Variants in TTC29 observed in about 807,000 individuals in gnomAD.
The protein encoded by TTC29 is tetratricopeptide repeat domain 29.
In TTC29, 49 loss-of-function variants were observed where a neutral mutation model predicts 58.1. The ratio of observed to expected loss-of-function variants is 0.84; its 90% CI spans 0.67 to 1.07. TTC29 has a LOEUF of 1.07. Among genes scored for constraint, TTC29 ranks in the 50% least tolerant of loss-of-function variants. The pLI, the probability that TTC29 is intolerant of heterozygous loss-of-function variation, is 0.00. For missense variants in TTC29, 582 were observed against 555.6 expected (o/e 1.05, Z -0.48); for synonymous variants, 209 against 196.8 (o/e 1.06, Z -0.52).
At chr4:146,942,881 G>C (rs1736540680) in intron 2 of TTC29, 1 of 359,696 alleles carries the variant, frequency 2.8e-6, no homozygotes, top group African/African-American at 2.1e-5. Flanking sequence ...GCTTCAAAAT[G>C]AGGAACAGTG....
intron 11 of TTC29, among the ~76,000 whole-genome samples, chr4:146,722,286 ACAT>A (rs1340266115): frequency 4.6e-5 from 7 of 152,192 alleles, no homozygotes; most frequent in Admixed American, 2.6e-4. Flanking sequence ...CAAGCTACCA[ACAT>A]CATTTTTCAC....
intron 8 of TTC29, among the ~76,000 whole-genome samples, chr4:146,852,155 T>A (rs1729554425): frequency 6.6e-6 from 1 of 152,238 alleles, no homozygotes; most frequent in South Asian, 2.1e-4. Flanking sequence ...CAAACTGTGC[T>A]GATTCCCAAC....
At chr4:146,833,951 G>A (rs1295604128) in intron 8 of TTC29, 54 bp from the exon 9 acceptor site, 1 of 1,212,802 alleles carries the variant, frequency 8.2e-7, no homozygotes, top group Non-Finnish European at 1.2e-6. Context: ...ATACGCTGAT[G>A]TTTCATTTCA....
chr4:146,812,802 T>C (rs762695289), intron 10 of TTC29: 4 of 152,236 alleles, frequency 2.6e-5, no homozygotes, highest in Non-Finnish European at 4.4e-5. Context: ...CTTGTGGATG[T>C]TTAATTCTTA....
intron 4 of TTC29, among the ~76,000 whole-genome samples, chr4:146,936,845 T>C (rs913876808): frequency 6.6e-6 from 1 of 152,090 alleles, no homozygotes; most frequent in African/African-American, 2.4e-5. Context: ...ATTTGTTGCA[T>C]AAAATATTTT....
chr4:146,766,868 T>C (rs1747361356), intron 11 of TTC29, among the ~76,000 whole-genome samples: 1 of 152,128 alleles, frequency 6.6e-6, no homozygotes, highest in Non-Finnish European at 1.5e-5. Flanking sequence ...GGGCAATTGA[T>C]ATTATTAGAG....
intron 8 of TTC29, among the ~76,000 whole-genome samples, chr4:146,838,717 G>A (rs952849093): frequency 2.6e-5 from 4 of 151,634 alleles, no homozygotes; most frequent in African/African-American, 4.8e-5. Context: ...AATGTAGATC[G>A]AAAATACAGT....
chr4:146,944,574 T>A (rs1271195694), intron 2 of TTC29, among the ~76,000 whole-genome samples: 30 of 152,178 alleles, frequency 2.0e-4, no homozygotes, highest in Non-Finnish European at 5.9e-5. Flanking sequence ...AATGACTATG[T>A]CTGAGGCTGA....
At chr4:146,853,924 T>G (rs1425842129) in intron 8 of TTC29, among the ~76,000 whole-genome samples, 3 of 152,096 alleles carry the variant, frequency 2.0e-5, no homozygotes, top group East Asian at 1.9e-4. Context: ...GATCTTCTGT[T>G]TGACGGCTGG....
chr4:146,764,373 C>A (rs973758739), intron 11 of TTC29, among the ~76,000 whole-genome samples: 1 of 152,006 alleles, frequency 6.6e-6, no homozygotes, highest in African/African-American at 2.4e-5. Context: ...GCAGCCTTAA[C>A]CCCTCTCATT....
At chr4:146,741,080 G>C (rs1433536424) in intron 11 of TTC29, among the ~76,000 whole-genome samples, 2 of 152,062 alleles carry the variant, frequency 1.3e-5, no homozygotes, top group Admixed American at 1.3e-4. Context: ...TTTCTGGCCT[G>C]GAAAAGTCAC....
intron 9 of TTC29, among the ~76,000 whole-genome samples, chr4:146,823,328 C>G (rs1013274855): frequency 6.6e-6 from 1 of 152,154 alleles, no homozygotes; most frequent in Admixed American, 6.6e-5. Context: ...ATATGGCTAG[C>G]CAGTTTTCCC....
chr4:146,877,450 T>C (rs1731343680), intron 6 of TTC29, among the ~76,000 whole-genome samples: 2 of 152,168 alleles, frequency 1.3e-5, no homozygotes, highest in Non-Finnish European at 2.9e-5. Flanking sequence ...TATCTTTACT[T>C]TTAGCTGATA....
chr4:146,729,391 G>A lies in TTC29; in HGVS notation c.1331-21840C>T, dbSNP rs144940194. Among the ~76,000 whole-genome samples, 5 of 152,094 alleles carry A rather than the reference G, an allele frequency of 3.3e-5. No individual in the cohort carries two copies. In the East Asian group the frequency reaches 9.7e-4, roughly 29 times the overall value. On this transcript the variant is annotated intron_variant, in intron 11 of 12. Coordinates refer to ENST00000325106, the MANE Select transcript of TTC29 (RefSeq NM_031956.4). ...GTTCTTTTGTTTATTGATCTATGAA[G>A]GAGATAAACTCTTTGTGACATTTGA...
intron 11 of TTC29, among the ~76,000 whole-genome samples, chr4:146,802,297 A>G (rs1358870290): frequency 6.6e-6 from 1 of 152,176 alleles, no homozygotes; most frequent in African/African-American, 2.4e-5. Context: ...CCTCTCAAAT[A>G]CGTGATGACA....
At chr4:146,855,692 A>G (rs768557050) in intron 8 of TTC29, among the ~76,000 whole-genome samples, 1 of 152,188 alleles carries the variant, frequency 6.6e-6, no homozygotes, top group East Asian at 1.9e-4. Context: ...ATGCAATATT[A>G]CTGTTACTTG....
chr4:146,788,521 G>C (rs1749204520), intron 11 of TTC29, among the ~76,000 whole-genome samples: 1 of 151,912 alleles, frequency 6.6e-6, no homozygotes, highest in South Asian at 2.1e-4. Flanking sequence ...TACTGTCTAG[G>C]GTTTCCTGTG....
chr4:146,759,190 A>G (rs1482236777), intron 11 of TTC29, among the ~76,000 whole-genome samples: 1 of 152,140 alleles, frequency 6.6e-6, no homozygotes, highest in African/African-American at 2.4e-5. Flanking sequence ...ATTCAAGGCT[A>G]CTATGAACAC....
chr4:146,889,595 T>C (rs1303773239), intron 6 of TTC29, among the ~76,000 whole-genome samples: 2 of 152,154 alleles, frequency 1.3e-5, no homozygotes, highest in African/African-American at 4.8e-5. Context: ...AATACCACAC[T>C]AAAAACTGAT....
Sources: gnomAD v4.1 joint callset for allele counts (sites outside exome capture counted in the v4.1 genomes callset) on GRCh38, gnomAD v4.1.1 for gene constraint, MANE v1.5 for transcripts, NCBI Gene and HGNC (gene_info 2026-07-23, HGNC 2026-07-21) for gene names.